The following CACNA1E variants were observed in gnomAD, a reference collection of about 807,000 sequenced individuals.
The protein encoded by CACNA1E is voltage-dependent R-type calcium channel subunit alpha-1E.
A neutral mutation model predicts 259.2 loss-of-function variants in CACNA1E; 40 were observed. The observed-to-expected ratio is 0.15, with a 90% confidence interval of 0.12 to 0.20. The LOEUF is 0.20. CACNA1E is among the 10% of genes least tolerant of loss of function. The pLI is 1.00. For missense variants in CACNA1E, 1,874 were observed against 3,040.1 expected (o/e 0.62, Z 9.02); for synonymous variants, 1,104 against 1,138.5 (o/e 0.97, Z 0.61).
intron 7 of CACNA1E, among the ~76,000 whole-genome samples, chr1:181,677,139 G>T (rs1454315423): frequency 3.9e-5 from 6 of 152,050 alleles, no homozygotes; most frequent in Non-Finnish European, 8.8e-5. Flanking sequence ...GGCTTCTGTG[G>T]TTGTTCCTAT....
intron 35 of CACNA1E, among the ~76,000 whole-genome samples, chr1:181,768,469 TCAGA>T (rs1256462910): frequency 6.6e-6 from 1 of 152,240 alleles, no homozygotes; most frequent in Admixed American, 6.5e-5. Context: ...GCTCAAGTTC[TCAGA>T]CAGTAAGTGA....
Position 181,756,963 on chromosome 1 carries a change from G to A in CACNA1E, c.4166G>A (p.Arg1389Gln), listed in dbSNP as rs375022550. 5 of 1,613,732 alleles carry A rather than the reference G, an allele frequency of 3.1e-6. No individual in the cohort carries two copies. The highest frequency in any genetic ancestry group is 2.7e-5 in the African/African-American group (2 of 74,934). Reference protein sequence around the residue: ...QHSVDVTEEDRGPSRSNRMEM... With the variant: ...QHSVDVTEEDQGPSRSNRMEM... ...TCTGTAGATGTGACAGAGGAAGACC[G>A]AGGCCCAAGCCGCAGCAACCGCATG... is the stretch of plus-strand genomic sequence containing the variant. Residue 1389 changes from arginine to glutamine, a missense_variant, in exon 30 of 48, where the codon CGA becomes CAA. Around this residue, in one of 14 missense-constraint regions of CACNA1E, gnomAD observed 188 missense variants for 540.6 expected, o/e 0.35. Coordinates refer to ENST00000367573, the MANE Select transcript of CACNA1E (RefSeq NM_001205293.3).
At chr1:181,330,100 C>T (rs903668116) in intron 1 of CACNA1E, among the ~76,000 whole-genome samples, 8 of 152,110 alleles carry the variant, frequency 5.3e-5, no homozygotes, top group African/African-American at 9.7e-5. Flanking sequence ...CCTTACCAGC[C>T]TCATGCTCTC....
chr1:181,655,715 A>G lies in CACNA1E; in HGVS notation c.1055+4274A>G, dbSNP rs115985808. 3.0e-3 allele frequency among the ~76,000 whole-genome samples: 450 copies of G among 152,314 alleles called. 4 individuals carry two copies. The highest frequency in any genetic ancestry group is 9.9e-3 in the African/African-American group (410 of 41,588). ...GGGCGATGAACGGAAGTCTAGGATG[A>G]CAGAAGCCTAGAGAGTATCAAGCAG... is the stretch of plus-strand genomic sequence containing the variant. On this transcript the variant is annotated intron_variant, in intron 7 of 47. Coordinates refer to ENST00000367573, the MANE Select transcript of CACNA1E (RefSeq NM_001205293.3).
chr1:181,743,854 G>A (rs534260174), intron 25 of CACNA1E, among the ~76,000 whole-genome samples: 3 of 152,342 alleles, frequency 2.0e-5, no homozygotes, highest in African/African-American at 7.2e-5. Flanking sequence ...CAGCACAGAT[G>A]GTTTAATAGA....
chr1:181,514,077 C>T (rs1666366108), intron 3 of CACNA1E, among the ~76,000 whole-genome samples: 1 of 152,138 alleles, frequency 6.6e-6, no homozygotes, highest in East Asian at 1.9e-4. Context: ...CTCTTGAGAT[C>T]CCTGCTGAGG....
At chr1:181,757,799 T>C (rs1658216867) in intron 30 of CACNA1E, 148 bp from the exon 31 acceptor site, 1 of 760,190 alleles carries the variant, frequency 1.3e-6, no homozygotes, top group Admixed American at 2.5e-5. Context: ...TCTGTAGTTT[T>C]GTCCAAGTGA....
upstream of CACNA1E, among the ~76,000 whole-genome samples, chr1:181,482,625 C>A (rs1334325394): frequency 6.6e-6 from 1 of 152,272 alleles, no homozygotes; most frequent in Non-Finnish European, 1.5e-5. Flanking sequence ...TGCGCCTCTG[C>A]GCGCCGCTCG....
At chr1:181,639,008 A>G (rs536920643) in intron 6 of CACNA1E, among the ~76,000 whole-genome samples, 1 of 152,354 alleles carries the variant, frequency 6.6e-6, no homozygotes, top group South Asian at 2.1e-4. Flanking sequence ...TACAATTGCA[A>G]TAGCACCTCT....
At chr1:181,450,428 GTGTGTGTGTGTGTGTGTA>G (rs1057006333) in intron 2 of CACNA1E, among the ~76,000 whole-genome samples, 28 of 53,964 alleles carry the variant, frequency 5.2e-4, no homozygotes, top group African/African-American at 3.9e-3. Flanking sequence ...GGGATTGTGT[GTGTGTGTGTGTGTGTGTA>G]TGTGTGTGTG....
intron 1 of CACNA1E, among the ~76,000 whole-genome samples, chr1:181,401,234 T>C (rs1431018614): frequency 1.3e-5 from 2 of 152,116 alleles, no homozygotes; most frequent in East Asian, 3.9e-4. Context: ...GACCACACTG[T>C]TTCAGTTGCA....
intron 3 of CACNA1E, among the ~76,000 whole-genome samples, chr1:181,547,105 C>T (rs904092930): frequency 6.6e-6 from 1 of 152,218 alleles, no homozygotes; most frequent in Non-Finnish European, 1.5e-5. Flanking sequence ...TACAGCAAGG[C>T]ACATGCCTAA....
At chr1:181,660,160 G>C (rs759173202) in intron 7 of CACNA1E, among the ~76,000 whole-genome samples, 1 of 152,202 alleles carries the variant, frequency 6.6e-6, no homozygotes, top group Non-Finnish European at 1.5e-5. Context: ...GTCCATAGTA[G>C]AGGAGGAATT....
chr1:181,573,894 A>C (rs2102949577), intron 3 of CACNA1E, among the ~76,000 whole-genome samples: 1 of 152,370 alleles, frequency 6.6e-6, no homozygotes, highest in African/African-American at 2.4e-5. Context: ...CATCAATGAT[A>C]GACTGGATAA....
chr1:181,465,488 C>T (rs1301114873), intron 2 of CACNA1E, among the ~76,000 whole-genome samples: 1 of 152,024 alleles, frequency 6.6e-6, no homozygotes, highest in Non-Finnish European at 1.5e-5. Context: ...ATTCTGTCTT[C>T]CATGTCTGTT....
intron 1 of CACNA1E, among the ~76,000 whole-genome samples, chr1:181,339,244 G>A (rs116506128): frequency 3.3e-5 from 5 of 152,004 alleles, no homozygotes; most frequent in South Asian, 2.1e-4. Context: ...TGTGTATCAC[G>A]TTGGGCAGTG....
chr1:181,478,650 A>G (rs1218582114), upstream of CACNA1E, among the ~76,000 whole-genome samples: 1 of 152,072 alleles, frequency 6.6e-6, no homozygotes, highest in Non-Finnish European at 1.5e-5. Flanking sequence ...AGGGTGGGGG[A>G]AGATGAAGGA....
At chr1:181,702,754 C>G (rs74768773) in intron 7 of CACNA1E, among the ~76,000 whole-genome samples, 2 of 152,182 alleles carry the variant, frequency 1.3e-5, no homozygotes, top group Non-Finnish European at 2.9e-5. Context: ...TTCCTCACAT[C>G]TCTCATGTCA....
intron 21 of CACNA1E, 142 bp from the exon 22 acceptor site, chr1:181,736,133 C>A: frequency 1.2e-6 from 1 of 860,320 alleles, no homozygotes; most frequent in Non-Finnish European, 1.7e-6. Flanking sequence ...GTAGTAAATA[C>A]CCCCAGTGCC....
Sources: gnomAD v4.1 joint callset for allele counts (sites outside exome capture counted in the v4.1 genomes callset) on GRCh38, gnomAD v4.1.1 for gene constraint, gnomAD v4.1.1 regional missense constraint, MANE v1.5 for transcripts, NCBI Gene and HGNC (gene_info 2026-07-23, HGNC 2026-07-21) for gene names.